The following HHLA2 variants were observed in gnomAD, a reference collection of about 807,000 sequenced individuals.
HHLA2 encodes HERV-H LTR-associating protein 2.
A neutral mutation model predicts 45.9 loss-of-function variants in HHLA2; 48 were observed. That is an observed-to-expected ratio of 1.05 (90% CI 0.83 to 1.33). The LOEUF (loss-of-function observed/expected upper bound fraction) is 1.33, where lower values mean the gene tolerates loss of function less well. Ranked by LOEUF, HHLA2 falls within the 40% of genes most tolerant of loss-of-function variation. The pLI is 0.00. For missense variants in HHLA2, 462 were observed against 494.3 expected (o/e 0.93, Z 0.62); for synonymous variants, 161 against 173.9 (o/e 0.93, Z 0.59).
intron 8 of HHLA2, among the ~76,000 whole-genome samples, chr3:108,367,496 T>C (rs1209313462): frequency 1.3e-5 from 2 of 151,554 alleles, no homozygotes; most frequent in Non-Finnish European, 2.9e-5. Context: ...GAATAACCAG[T>C]TTAGAGGAGA....
chr3:108,321,644 C>A (rs567066135), intron 2 of HHLA2, among the ~76,000 whole-genome samples: 1 of 152,214 alleles, frequency 6.6e-6, no homozygotes, highest in Non-Finnish European at 1.5e-5. Flanking sequence ...TGAATGCTTT[C>A]ATCCACCACT....
chr3:108,351,006 T>C (rs985732874), intron 3 of HHLA2, among the ~76,000 whole-genome samples: 1 of 152,220 alleles, frequency 6.6e-6, no homozygotes, highest in Non-Finnish European at 1.5e-5. Flanking sequence ...CCTTTAAAAC[T>C]TTCTTTTAGA....
intron 2 of HHLA2, among the ~76,000 whole-genome samples, chr3:108,323,691 A>C (rs2081242356): frequency 6.6e-6 from 1 of 152,192 alleles, no homozygotes; most frequent in Non-Finnish European, 1.5e-5. Context: ...TATAACTAAA[A>C]GCCTAAAGGA....
chr3:108,341,041 C>T (rs2081563267), intron 3 of HHLA2, among the ~76,000 whole-genome samples: 1 of 151,598 alleles, frequency 6.6e-6, no homozygotes, highest in Non-Finnish European at 1.5e-5. Context: ...CAACCTCCGC[C>T]TCCCAGGTTC....
intron 8 of HHLA2, among the ~76,000 whole-genome samples, chr3:108,369,538 G>A (rs887676076): frequency 1.3e-5 from 2 of 152,224 alleles, no homozygotes; most frequent in Non-Finnish European, 1.5e-5. Context: ...GGAAGCACAA[G>A]GGGTCAGGGA....
At chr3:108,341,968 A>G (rs192872169) in intron 3 of HHLA2, among the ~76,000 whole-genome samples, 22 of 152,304 alleles carry the variant, frequency 1.4e-4, no homozygotes, top group Admixed American at 1.3e-3. Flanking sequence ...GTTTGCCATC[A>G]TGTTCTGCTC....
At chr3:108,377,428 C>T (rs554750069) in exon 11 of HHLA2, 110 of 615,392 alleles carry the variant, frequency 1.8e-4, no homozygotes, top group Non-Finnish European at 3.0e-4. Flanking sequence ...TCTGGTATCA[C>T]ATTTATTTTT....
chr3:108,355,450 C>A, intron 6 of HHLA2, 69 bp downstream of exon 5: 4 of 1,487,328 alleles, frequency 2.7e-6, no homozygotes, highest in Non-Finnish European at 2.7e-6. Flanking sequence ...GACTGATTTG[C>A]AAAAAAAGAA....
At chr3:108,370,268 T>G (rs2082145778) in intron 8 of HHLA2, among the ~76,000 whole-genome samples, 1 of 152,182 alleles carries the variant, frequency 6.6e-6, no homozygotes, top group Non-Finnish European at 1.5e-5. Flanking sequence ...GGGTCCTGAC[T>G]GTTTGTTAGA....
chr3:108,313,708 C>CCTACTT (rs1276328976), intron 2 of HHLA2, among the ~76,000 whole-genome samples: 6 of 152,304 alleles, frequency 3.9e-5, no homozygotes, highest in Admixed American at 3.9e-4. Flanking sequence ...TCCTGCACAA[C>CCTACTT]AGGTGTCCTG....
At chr3:108,326,094 G>A (rs1402679869) in intron 2 of HHLA2, 5 of 268,144 alleles carry the variant, frequency 1.9e-5, no homozygotes, top group Middle Eastern at 1.4e-3. Context: ...TATTTCTTAG[G>A]TGATGGTCTT....
At chr3:108,312,357 G>T (rs1244868934) in intron 2 of HHLA2, among the ~76,000 whole-genome samples, 1 of 152,186 alleles carries the variant, frequency 6.6e-6, no homozygotes, top group Non-Finnish European at 1.5e-5. Flanking sequence ...CTGCTCCCTG[G>T]CTGGACCTTG....
At chr3:108,324,402 A>G (rs1049021156) in intron 2 of HHLA2, among the ~76,000 whole-genome samples, 6 of 152,168 alleles carry the variant, frequency 3.9e-5, no homozygotes, top group Admixed American at 2.0e-4. Context: ...GATCTTCCTT[A>G]TACTTTTAAT....
intron 3 of HHLA2, among the ~76,000 whole-genome samples, chr3:108,340,914 TCCTTCC>T (rs2081559353): frequency 4.4e-5 from 2 of 45,932 alleles, no homozygotes; most frequent in Admixed American, 1.6e-4. Flanking sequence ...TTTTTTTCCT[TCCTTCC>T]TTCCTTCCTT....
At chr3:108,333,645 A>G (rs970733709) in intron 3 of HHLA2, among the ~76,000 whole-genome samples, 4 of 151,802 alleles carry the variant, frequency 2.6e-5, no homozygotes, top group African/African-American at 9.7e-5. Flanking sequence ...CAGCACATAC[A>G]TGCCTCAGAG....
intron 3 of HHLA2, among the ~76,000 whole-genome samples, chr3:108,328,805 G>A (rs1359715408): frequency 1.3e-5 from 2 of 151,834 alleles, no homozygotes; most frequent in Non-Finnish European, 2.9e-5. Context: ...GTTATATAGG[G>A]AAGGGAACAT....
intron 3 of HHLA2, among the ~76,000 whole-genome samples, chr3:108,348,949 C>T (rs1423722575): frequency 1.3e-5 from 2 of 152,032 alleles, no homozygotes; most frequent in Non-Finnish European, 1.5e-5. Context: ...CATCCATGTC[C>T]CTGCAAAGGA....
chr3:108,376,354 T>G (rs1418807152), intron 9 of HHLA2, 139 bp from the exon 9 acceptor site: 1 of 627,998 alleles, frequency 1.6e-6, no homozygotes, highest in Non-Finnish European at 2.7e-6. Flanking sequence ...TGAATGCATT[T>G]TTCATGTTGT....
intron 1 of HHLA2, among the ~76,000 whole-genome samples, chr3:108,304,679 A>T (rs1313631257): frequency 2.6e-5 from 4 of 152,126 alleles, no homozygotes; most frequent in Non-Finnish European, 5.9e-5. Flanking sequence ...ACACACCACA[A>T]ATCTACTGTG....
Sources: gnomAD v4.1 joint callset for allele counts (sites outside exome capture counted in the v4.1 genomes callset) on GRCh38, gnomAD v4.1.1 for gene constraint, MANE v1.5 for transcripts, NCBI Gene and HGNC (gene_info 2026-07-23, HGNC 2026-07-21) for gene names.